The following MTR variants were observed in gnomAD, a reference collection of about 807,000 sequenced individuals.
The protein encoded by MTR is methionine synthase.
Under a neutral mutation model 154.8 loss-of-function variants are expected in MTR, and 84 were observed. The ratio of observed to expected loss-of-function variants is 0.54; its 90% CI spans 0.45 to 0.65. MTR has a LOEUF of 0.65. Among genes scored for constraint, MTR ranks in the 30% least tolerant of loss-of-function variants. The probability of loss-of-function intolerance (pLI) is 0.00; values close to 1 mark genes in which losing one functional copy is unlikely to be tolerated. For missense variants in MTR, 1,275 were observed against 1,570.2 expected (o/e 0.81, Z 3.18); for synonymous variants, 554 against 553.9 (o/e 1.00, Z 0.00).
chr1:236,886,057 C>T lies in MTR; in HGVS notation c.2776-235C>T, dbSNP rs2297966. 1.6e-3 allele frequency among the ~76,000 whole-genome samples: 245 copies of T among 152,188 alleles called. 3 individuals carry two copies. In the East Asian group the frequency reaches 0.044, roughly 27 times the overall value. On this transcript the variant is annotated intron_variant, in intron 26 of 32. Transcript: ENST00000366577. ...CAGGTTCAGGCCGCAGAACTAGGCT[C>T]GTATTTATATATCAGCAGTTAATGG...
intron 5 of MTR, among the ~76,000 whole-genome samples, chr1:236,811,286 C>T (rs1383679501): frequency 2.0e-5 from 3 of 152,130 alleles, no homozygotes; most frequent in African/African-American, 7.2e-5. Context: ...TCTCACAACA[C>T]GCGGGAATTC....
At chr1:236,897,505 A>G (rs570154314) in intron 32 of MTR, 53 bp from the exon 33 acceptor site, 2 of 1,528,336 alleles carry the variant, frequency 1.3e-6, no homozygotes, top group Non-Finnish European at 1.8e-6. Context: ...GGAAACTTCT[A>G]TTCCAAAAGT....
intron 18 of MTR, among the ~76,000 whole-genome samples, chr1:236,855,061 C>G (rs1296140136): frequency 2.0e-5 from 3 of 152,176 alleles, no homozygotes; most frequent in Non-Finnish European, 1.5e-5. Flanking sequence ...CAGGTATCCT[C>G]TAATAACTCT....
chr1:236,870,862 C>T (rs1665085937), intron 22 of MTR, among the ~76,000 whole-genome samples: 2 of 152,136 alleles, frequency 1.3e-5, no homozygotes, highest in Non-Finnish European at 2.9e-5. Flanking sequence ...CTGCTCAAAC[C>T]GAAACTCTTG....
At chr1:236,892,579 T>A (rs1418223004) in intron 29 of MTR, among the ~76,000 whole-genome samples, 1 of 152,192 alleles carries the variant, frequency 6.6e-6, no homozygotes, top group African/African-American at 2.4e-5. Context: ...CTGAAGGGAT[T>A]CTTAAATTTG....
rs186392411 is a variant in MTR at position 236,811,960 on chromosome 1, A to C, written c.503-778A>C. 5.3e-5 allele frequency among the ~76,000 whole-genome samples: 8 copies of C among 152,356 alleles called. No individual in the cohort carries two copies. In the East Asian group the frequency reaches 1.5e-3, roughly 29 times the overall value. On this transcript the variant is annotated intron_variant, in intron 5 of 32. Coordinates refer to ENST00000366577, the MANE Select transcript of MTR (RefSeq NM_000254.3). ...TCTGAGCATTATCTTGGCTTACTGC[A>C]GCCTCCACCTCCTGGGTTTGAGCGA...
chr1:236,873,890 GTGTC>G, intron 23 of MTR, 50 bp downstream of exon 23: 4 of 1,543,098 alleles, frequency 2.6e-6, no homozygotes, highest in Non-Finnish European at 3.6e-6. Context: ...ATATCCCCAG[GTGTC>G]TGTCATTTCC....
At position 236,797,969 on chromosome 1, in the gene MTR, AAAAC is replaced by A. The variant is rs1409652293; in HGVS notation, c.34+2236_34+2239del. Among the ~76,000 whole-genome samples the A allele has an allele frequency of 6.9e-3, 970 of 139,992 alleles. 11 individuals carry two copies. Among genetic ancestry groups the A allele is most frequent in the African/African-American group, 0.024 (848 of 35,988 alleles). 91.8% of individuals were successfully genotyped at this position (139,992 alleles called of 152,430 possible). Reference sequence around the variant, plus strand: ...TGAGACTTAGTCTCCAAAAAAAAACAAAACAAAACAAAACAAAACCAAAAAAACA... The same window carrying A: ...TGAGACTTAGTCTCCAAAAAAAAACAAAAACAAAACAAAACCAAAAAAACA... On this transcript the variant is annotated intron_variant, in intron 1 of 32. Transcript: ENST00000366577.
intron 8 of MTR, among the ~76,000 whole-genome samples, chr1:236,823,794 A>ATGTTTTTTTT (rs1324332853): frequency 4.3e-5 from 1 of 23,388 alleles, no homozygotes; most frequent in African/African-American, 1.7e-4. Context: ...TTCAGGTCAG[A>ATGTTTTTTTT]TCTTTTTTTT....
At chr1:236,889,045 T>C in intron 27 of MTR, 136 bp from the exon 28 acceptor site, 1 of 1,064,242 alleles carries the variant, frequency 9.4e-7, no homozygotes, top group Non-Finnish European at 1.4e-6. Flanking sequence ...AGTTCCCCTC[T>C]TTGTAAAACA....
chr1:236,817,562 A>ACTG (rs1309285757), intron 8 of MTR, among the ~76,000 whole-genome samples: 1 of 152,306 alleles, frequency 6.6e-6, no homozygotes, highest in Admixed American at 6.5e-5. Flanking sequence ...GAGGGTAGGT[A>ACTG]CTGGTATTAA....
intron 8 of MTR, among the ~76,000 whole-genome samples, chr1:236,823,479 T>C (rs567133089): frequency 6.6e-6 from 1 of 152,344 alleles, no homozygotes; most frequent in South Asian, 2.1e-4. Flanking sequence ...ACTGATAATC[T>C]GTTTTCTATT....
rs3856242 is a variant in MTR at position 236,852,256 on chromosome 1, C to CGT, written c.1696-246_1696-245dup. The stretch of plus-strand genomic sequence containing the variant: ...TAAGGAATTCCTCTTTGTCTTTCTG[C>CGT]GTGTGTGTGTGTGTGTGTGTACGCG... On this transcript the variant is annotated intron_variant, in intron 16 of 32. Coordinates refer to ENST00000366577, the MANE Select transcript of MTR (RefSeq NM_000254.3). Among the ~76,000 whole-genome samples, 35,910 of 150,338 alleles carry CGT rather than the reference C, an allele frequency of 0.24. 4,610 individuals are homozygous for CGT. The highest frequency in any genetic ancestry group is 0.34 in the African/African-American group (13,846 of 40,932).
chr1:236,796,598 C>T (rs1001095941), intron 1 of MTR, among the ~76,000 whole-genome samples: 1 of 151,318 alleles, frequency 6.6e-6, no homozygotes, highest in Non-Finnish European at 1.5e-5. Context: ...AGAGGTTAAC[C>T]GGTGACTCTC....
In MTR at chr1:236,897,699, C is replaced by A; in HGVS notation, c.*55C>A. The stretch of plus-strand genomic sequence containing the variant: ...TTGATGATCCTCAAGGAAATACAAC[C>A]TAGGGTGCCTTAAAAATAACAACAA... On this transcript the variant is annotated 3_prime_UTR_variant, in exon 33 of 33. Coordinates refer to ENST00000366577, the MANE Select transcript of MTR (RefSeq NM_000254.3). The A allele has an allele frequency of 7.0e-7, 1 of 1,437,082 alleles. No homozygotes were observed. The highest frequency in any genetic ancestry group is 9.7e-7 in the Non-Finnish European group (1 of 1,025,914). 89.0% of individuals were successfully genotyped at this position (1,437,082 alleles called of 1,614,324 possible).
At chr1:236,874,918 C>G (rs938929503) in intron 24 of MTR, 72 bp downstream of exon 24, 30 of 1,539,374 alleles carry the variant, frequency 1.9e-5, no homozygotes, top group Non-Finnish European at 2.4e-5. Flanking sequence ...CAGTGGGAAA[C>G]CTGTGTTGTT....
chr1:236,874,865 C>G lies in MTR; in HGVS notation c.2594+19C>G. 2.5e-6 allele frequency: 4 copies of G among 1,612,890 alleles called. No homozygotes were observed. Among genetic ancestry groups the G allele is most frequent in the Non-Finnish European group, 3.4e-6 (4 of 1,179,198 alleles). Reference sequence around the variant, plus strand: ...CTTCAAAGTAAGTTATACTAATGAGCTTTGTCCTCACTTCAAATTTTCTTA... The same window carrying G: ...CTTCAAAGTAAGTTATACTAATGAGGTTTGTCCTCACTTCAAATTTTCTTA... On this transcript the variant is annotated intron_variant, in intron 24 of 32. Transcript: ENST00000366577.
At position 236,803,356 on chromosome 1, in the gene MTR, C is replaced by A. The variant is rs535824214; in HGVS notation, c.35-72C>A. The stretch of plus-strand genomic sequence containing the variant: ...CCTTATTGGAGATTATTATAAATTT[C>A]TCTAAAGCTCCTCCCTCACACATCT... On this transcript the variant is annotated intron_variant, in intron 1 of 32. Coordinates refer to ENST00000366577, the MANE Select transcript of MTR (RefSeq NM_000254.3). 5.0e-4 allele frequency: 701 copies of A among 1,395,396 alleles called. 6 individuals are homozygous for A. The South Asian group carries it at 8.0e-3, about 16-fold the overall frequency. The allele number at this position is 1,395,396 out of a possible 1,614,324, so 86.4% of individuals were successfully genotyped here. A position where few individuals can be genotyped will look rare whatever the true frequency, so the allele number is the denominator to read the frequency against.
chr1:236,810,983 G>A (rs577234715), intron 5 of MTR, among the ~76,000 whole-genome samples: 2 of 152,186 alleles, frequency 1.3e-5, no homozygotes, highest in East Asian at 3.9e-4. Context: ...CTAGACATCT[G>A]TATTAGTCCA....
Sources: allele counts gnomAD v4.1 joint callset (sites outside exome capture counted in the v4.1 genomes callset), GRCh38; gene constraint gnomAD v4.1.1; transcripts MANE v1.5; gene names NCBI Gene and HGNC (gene_info 2026-07-23, HGNC 2026-07-21).